Variants in SH3D19 observed in about 807,000 individuals in gnomAD.
SH3D19 encodes the protein SH3 domain-containing protein 19.
SH3D19 carries 58 observed loss-of-function variants against 112.1 expected under a neutral mutation model. The ratio of observed to expected loss-of-function variants is 0.52; its 90% CI spans 0.42 to 0.64. The LOEUF is 0.64. SH3D19 is among the 30% of genes least tolerant of loss of function. SH3D19 has a pLI of 0.00. For missense variants in SH3D19, 1,090 were observed against 1,263.4 expected, an observed-to-expected ratio of 0.86 and a Z score of 2.08; for synonymous variants, 391 against 448.5, an observed-to-expected ratio of 0.87 and a Z score of 1.62.
intron 1 of SH3D19, among the ~76,000 whole-genome samples, chr4:151,284,994 G>C (rs1236825613): frequency 6.6e-6 from 1 of 152,078 alleles, no homozygotes; most frequent in African/African-American, 2.4e-5. Context: ...AGGTAGCTCT[G>C]AACTCTATCC....
intron 9 of SH3D19, among the ~76,000 whole-genome samples, chr4:151,158,545 C>A (rs1269573426): frequency 6.6e-6 from 1 of 152,022 alleles, no homozygotes; most frequent in Non-Finnish European, 1.5e-5. Context: ...GGTAATCCAC[C>A]CGCCTTGGCC....
chr4:151,198,449 AT>A (rs1303493951), intron 2 of SH3D19, among the ~76,000 whole-genome samples: 1 of 144,564 alleles, frequency 6.9e-6, no homozygotes, highest in African/African-American at 2.5e-5. Flanking sequence ...ATATATAAAA[AT>A]ATATATTTAT....
intron 10 of SH3D19, 83 bp from the exon 11 acceptor site, chr4:151,148,269 A>T: frequency 2.4e-6 from 1 of 416,860 alleles, no homozygotes; most frequent in Non-Finnish European, 3.7e-6. Context: ...ACACACACAC[A>T]CACACACACA....
chr4:151,294,826 T>C (rs1775589270), intron 1 of SH3D19, among the ~76,000 whole-genome samples: 1 of 152,174 alleles, frequency 6.6e-6, no homozygotes, highest in Admixed American at 6.5e-5. Context: ...GAAAGCCTGA[T>C]AATAAAATAA....
intron 1 of SH3D19, among the ~76,000 whole-genome samples, chr4:151,253,117 A>C (rs1435814372): frequency 6.6e-6 from 1 of 152,230 alleles, no homozygotes; most frequent in Non-Finnish European, 1.5e-5. Flanking sequence ...TACTAAGAAT[A>C]AAAACCGAAG....
At chr4:151,122,263 A>T in intron 19 of SH3D19, 56 bp from the exon 20 acceptor site, 2 of 902,316 alleles carry the variant, frequency 2.2e-6, no homozygotes, top group Non-Finnish European at 3.7e-6. Flanking sequence ...AGCATGGTAA[A>T]TAGTGGCCTA....
rs1487377552 is a variant in SH3D19, at chr4:151,165,604, C to T, written c.1627G>A (p.Ala543Thr). The change falls in exon 8 of 20, where the codon GCC becomes ACC. Residue 543 changes from alanine to threonine, a missense_variant. By Grantham distance (58) the Ala-to-Thr change is moderately conservative (BLOSUM62 0). Transcript: ENST00000604030. ...TRKPTVIRIP[A>T]KPGKCLHEDP... Reference sequence around the variant, plus strand: ...AAGTGCTTACATTTTCCTGGTTTGGCTGGAATTCGAATTACAGTGGGCTTC... The same window carrying T: ...AAGTGCTTACATTTTCCTGGTTTGGTTGGAATTCGAATTACAGTGGGCTTC... 1 of 1,613,842 alleles carries T rather than the reference C, an allele frequency of 6.2e-7. No homozygotes were observed. The highest frequency in any genetic ancestry group is 1.7e-5 in the Admixed American group (1 of 59,994).
At chr4:151,185,188 T>C (rs1298944821) in intron 3 of SH3D19, among the ~76,000 whole-genome samples, 7 of 151,566 alleles carry the variant, frequency 4.6e-5, no homozygotes, top group African/African-American at 1.7e-4. Flanking sequence ...AGTCCTGAAA[T>C]CCAAGGGAAT....
rs572065492 is a variant in SH3D19, at chr4:151,309,354, C to T, written c.112+15887G>A. ...AGCCTACTTAGACTATAAAACGATA[C>T]AGGAGTTGACTAAAATCCATGTATA... On this transcript the variant is annotated intron_variant, in intron 1 of 19. Transcript: ENST00000604030. Among the ~76,000 whole-genome samples, 20 of 152,240 alleles carry T rather than the reference C, an allele frequency of 1.3e-4. No homozygotes were observed. The East Asian group carries it at 2.1e-3, about 16-fold the overall frequency.
At chr4:151,227,472 A>C (rs536221560) in intron 1 of SH3D19, among the ~76,000 whole-genome samples, 53 of 152,328 alleles carry the variant, frequency 3.5e-4, no homozygotes, top group Admixed American at 9.1e-4. Flanking sequence ...TTCTGGTTCC[A>C]ATTTTTCTAC....
intron 1 of SH3D19, among the ~76,000 whole-genome samples, chr4:151,243,795 A>G (rs948456503): frequency 6.6e-6 from 1 of 152,226 alleles, no homozygotes; most frequent in African/African-American, 2.4e-5. Flanking sequence ...ATTGAGGAAA[A>G]TTGCTATTCT....
At chr4:151,210,698 GC>G (rs141015944) in intron 2 of SH3D19, among the ~76,000 whole-genome samples, 1 of 151,972 alleles carries the variant, frequency 6.6e-6, no homozygotes. Context: ...ACTGTGCCTG[GC>G]CCCCCAGTAT....
intron 1 of SH3D19, among the ~76,000 whole-genome samples, chr4:151,303,037 T>G (rs1480846489): frequency 6.6e-6 from 1 of 152,182 alleles, no homozygotes; most frequent in Non-Finnish European, 1.5e-5. Context: ...AAAAAAAGAA[T>G]GCATGTCTTC....
chr4:151,237,142 C>A (rs146851674), intron 1 of SH3D19, among the ~76,000 whole-genome samples: 2 of 152,098 alleles, frequency 1.3e-5, no homozygotes, highest in African/African-American at 2.4e-5. Flanking sequence ...CTGAAGCCAG[C>A]GAGACCACGA....
chr4:151,136,290 C>T (rs565066960), intron 14 of SH3D19, among the ~76,000 whole-genome samples: 32 of 152,142 alleles, frequency 2.1e-4, no homozygotes, highest in African/African-American at 7.5e-4. Context: ...TGGGACTACA[C>T]ACGCGTAACA....
At chr4:151,312,825 C>A (rs895356944) in intron 1 of SH3D19, among the ~76,000 whole-genome samples, 1 of 150,842 alleles carries the variant, frequency 6.6e-6, no homozygotes, top group Non-Finnish European at 1.5e-5. Flanking sequence ...GGTGTGAACC[C>A]GGGAGGCGAA....
At chr4:151,246,041 C>CAAA (rs34182905) in intron 1 of SH3D19, among the ~76,000 whole-genome samples, 4 of 75,610 alleles carry the variant, frequency 5.3e-5, no homozygotes, top group African/African-American at 1.9e-4. Context: ...TGAAGACATA[C>CAAA]AAAAAAAAAA....
intron 2 of SH3D19, among the ~76,000 whole-genome samples, chr4:151,188,821 C>T (rs913265102): frequency 2.6e-5 from 4 of 152,202 alleles, no homozygotes; most frequent in East Asian, 1.9e-4. Context: ...ACCAGTAGGA[C>T]TTCAGAATGT....
chr4:151,163,417 A>T (rs1157549771), intron 8 of SH3D19, among the ~76,000 whole-genome samples: 3 of 152,174 alleles, frequency 2.0e-5, no homozygotes, highest in Non-Finnish European at 4.4e-5. Context: ...CTTAAAACCC[A>T]GGCAAAATTT....
Sources: gnomAD v4.1 joint callset for allele counts (sites outside exome capture counted in the v4.1 genomes callset) on GRCh38, gnomAD v4.1.1 for gene constraint, MANE v1.5 for transcripts, NCBI Gene and HGNC (gene_info 2026-07-23, HGNC 2026-07-21) for gene names.